TBCD: variants seen among roughly 807,000 people sequenced by gnomAD.
The protein encoded by TBCD is tubulin folding cofactor D, also known as tubulin-specific chaperone D.
In TBCD, 105 loss-of-function variants were observed where a neutral mutation model predicts 169.3. That is an observed-to-expected ratio of 0.62 (90% CI 0.53 to 0.73). The LOEUF (loss-of-function observed/expected upper bound fraction) is 0.73. Ranked by LOEUF, TBCD falls within the 30% of genes least tolerant of loss-of-function variation. The pLI is 0.00. For missense variants in TBCD, 1,444 were observed against 1,600.1 expected (o/e 0.90, Z 1.66); for synonymous variants, 700 against 643.9 (o/e 1.09, Z -1.32).
At chr17:82,795,642 A>G in intron 7 of TBCD, 1 of 967,734 alleles carries the variant, frequency 1.0e-6, no homozygotes, top group Non-Finnish European at 1.2e-6. Context: ...TTGTTGTGGA[A>G]CAACGTACTC....
rs1349746039 is a variant in TBCD, at chr17:82,921,364, C to G, written c.2102-137C>G. 3 of 719,556 alleles carry G rather than the reference C, an allele frequency of 4.2e-6. No homozygotes were observed. The African/African-American group carries it at 5.2e-5, about 13-fold the overall frequency. The allele number at this position is 719,556 out of a possible 1,614,324, so 44.6% of individuals were successfully genotyped here. On this transcript the variant is annotated intron_variant, in intron 24 of 38. Transcript: ENST00000355528. ...CTTAACACAACGTGGAGAATGTTCACTTTGGCTTTTCCACAGATTCCTCTC... is the reference window on the plus strand; with the variant it reads ...CTTAACACAACGTGGAGAATGTTCAGTTTGGCTTTTCCACAGATTCCTCTC...
At chr17:82,929,759 C>G (rs1008463255) in intron 32 of TBCD, 1 of 600,576 alleles carries the variant, frequency 1.7e-6, no homozygotes, top group Non-Finnish European at 3.0e-6. Context: ...CCTTGGAGCT[C>G]CCAGCGTCCC....
chr17:82,899,885 A>C (rs1026870079), intron 17 of TBCD, among the ~76,000 whole-genome samples: 2 of 152,096 alleles, frequency 1.3e-5, no homozygotes, highest in African/African-American at 2.4e-5. Flanking sequence ...ACATCTTTTC[A>C]TGTGTTTATT....
intron 10 of TBCD, 78 bp from the exon 11 acceptor site, chr17:82,807,530 C>T: frequency 2.6e-6 from 3 of 1,157,886 alleles, no homozygotes; most frequent in Non-Finnish European, 3.5e-6. Context: ...GAGTAGCGTA[C>T]AGGATGGGTC....
At position 82,945,133 on chromosome 17, in the gene TBCD, T is replaced by G. The variant is rs944987523; in HGVS notation, c.*2670T>G. ...GGGCTAGAAATGATCAAGAAGAGAT[T>G]AGAAAAAAACAGAGCCCCTAGAAAT... On this transcript the variant is annotated 3_prime_UTR_variant, in exon 39 of 39. Transcript: ENST00000355528. 6.6e-6 allele frequency: 1 copy of G among 152,014 alleles called. No individual in the cohort carries two copies. The highest frequency in any genetic ancestry group is 1.5e-5 in the Non-Finnish European group (1 of 67,990). The allele number at this position is 152,014 out of a possible 1,614,324, so 9.4% of individuals were successfully genotyped here.
In TBCD at chr17:82,923,193, T is replaced by C. The variant is rs1192810757; in HGVS notation, c.2179-459T>C. 6.6e-6 allele frequency among the ~76,000 whole-genome samples: 1 copy of C among 152,228 alleles called. No individual in the cohort carries two copies. The highest frequency in any genetic ancestry group is 1.5e-5 in the Non-Finnish European group (1 of 68,040). The stretch of plus-strand genomic sequence containing the variant: ...TAACTATTTCTGGGAAAGAAAAATA[T>C]GCTCCATTTTATTATTGTTCCATAT... On this transcript the variant is annotated intron_variant, in intron 25 of 38. Coordinates refer to ENST00000355528, the MANE Select transcript of TBCD (RefSeq NM_005993.5). This position sits in a 1 kb window ranked among gnomAD's most constrained non-coding sequence, Gnocchi z 4.6.
intron 17 of TBCD, among the ~76,000 whole-genome samples, chr17:82,898,140 G>A (rs1443338115): frequency 1.7e-4 from 26 of 149,592 alleles, no homozygotes. Context: ...TGGTTTTCGT[G>A]AGCATTGAGC....
In TBCD at chr17:82,752,360, C is replaced by T; in HGVS notation, c.167C>T (p.Ala56Val). ...VHGGGAEREV[A>V]LERFRVIMDK... is the part of the protein sequence containing the mutation. ...GGCGGCGGCGCGGAGCGCGAGGTGG[C>T]CCTGGAGCGGTTCCGCGGTGCGTGG... Residue 56 changes from alanine (A) to valine (V), a missense_variant, in exon 1 of 39, where the codon GCC (alanine) becomes GTC (valine). Coordinates refer to ENST00000355528, the MANE Select transcript of TBCD (RefSeq NM_005993.5). 5.1e-6 allele frequency: 7 copies of T among 1,366,384 alleles called. No individual in the cohort carries two copies. Among genetic ancestry groups the T allele is most frequent in the Non-Finnish European group, 5.6e-6 (6 of 1,070,810 alleles). 84.6% of individuals were successfully genotyped at this position (1,366,384 alleles called of 1,614,324 possible). A position where few individuals can be genotyped will look rare whatever the true frequency, so the allele number is the denominator to read the frequency against.
chr17:82,794,906 C>T (rs978713751), intron 7 of TBCD, among the ~76,000 whole-genome samples: 5 of 152,188 alleles, frequency 3.3e-5, no homozygotes, highest in East Asian at 1.9e-4. Flanking sequence ...AAAGACCCTT[C>T]GCCCTGTAAA....
intron 6 of TBCD, among the ~76,000 whole-genome samples, chr17:82,779,034 A>G (rs145452987): frequency 1.6e-4 from 24 of 146,750 alleles, no homozygotes; most frequent in Non-Finnish European, 3.1e-4. Flanking sequence ...ATTTATTTTT[A>G]CGGGGTCTTG....
chr17:82,752,730 C>T (rs1234779270), intron 1 of TBCD, among the ~76,000 whole-genome samples: 1 of 152,210 alleles, frequency 6.6e-6, no homozygotes, highest in Non-Finnish European at 1.5e-5. Context: ...TGGGGAGACT[C>T]GGGCCAGACC....
rs201980005 is a variant in TBCD, at chr17:82,768,525, G to C, written c.541G>C (p.Ala181Pro). The C allele has an allele frequency of 1.6e-4, 265 of 1,613,902 alleles. No individual in the cohort carries two copies. Among genetic ancestry groups the C allele is most frequent in the Middle Eastern group, 1.2e-3 (7 of 6,084 alleles). ...DGNLLTQPGQ[A>P]RMSIMDRILQ... ...GAACCTCCTCACCCAGCCTGGGCAAGCACGAATGTCCATAATGGACCGTAT... is the reference window on the plus strand; with the variant it reads ...GAACCTCCTCACCCAGCCTGGGCAACCACGAATGTCCATAATGGACCGTAT... The change falls in exon 5 of 39, where the codon GCA becomes CCA. Residue 181 changes from alanine (A) to proline (P), a missense_variant. Physicochemically the swap from Ala to Pro is conservative, Grantham distance 27 (BLOSUM62 -1). Transcript: ENST00000355528.
chr17:82,886,232 C>G (rs1434731881), intron 15 of TBCD: 1 of 152,300 alleles, frequency 6.6e-6, no homozygotes, highest in Non-Finnish European at 1.5e-5. Context: ...GAGGAAGGTG[C>G]TGCAGCTGGT....
intron 5 of TBCD, 30 bp downstream of exon 5, chr17:82,768,596 A>G (rs1430973500): frequency 2.5e-6 from 4 of 1,608,972 alleles, no homozygotes; most frequent in Non-Finnish European, 3.4e-6. Context: ...TTAGCTGCTA[A>G]TTAGTACTCA....
chr17:82,945,532 G>A lies in TBCD; in HGVS notation c.*3069G>A, dbSNP rs1463524846. 7 of 152,216 alleles carry A rather than the reference G, an allele frequency of 4.6e-5. No individual in the cohort carries two copies. Among genetic ancestry groups the A allele is most frequent in the Non-Finnish European group, 8.8e-5 (6 of 68,034 alleles). 9.4% of individuals were successfully genotyped at this position (152,216 alleles called of 1,614,324 possible). On this transcript the variant is annotated 3_prime_UTR_variant, in exon 39 of 39. Transcript: ENST00000355528. ...TTCATTATGCTGAGAGAAAATAGCT[G>A]TCAAGTTGCTTGAATTGTGCCCACA...
intron 13 of TBCD, among the ~76,000 whole-genome samples, chr17:82,848,680 T>C (rs2055364170): frequency 6.6e-6 from 1 of 152,194 alleles, no homozygotes; most frequent in Admixed American, 6.5e-5. Flanking sequence ...CTTCTTTTTT[T>C]TCATGCTACA....
chr17:82,754,066 C>G (rs1176608238), intron 1 of TBCD, among the ~76,000 whole-genome samples: 2 of 151,570 alleles, frequency 1.3e-5, no homozygotes, highest in Non-Finnish European at 2.9e-5. Context: ...TTAGTAGTGA[C>G]GGGTTTCATC....
At chr17:82,811,474 T>C (rs1449350950) in intron 12 of TBCD, among the ~76,000 whole-genome samples, 1 of 152,258 alleles carries the variant, frequency 6.6e-6, no homozygotes, top group Non-Finnish European at 1.5e-5. Context: ...ATTCCATTTT[T>C]GTAGCTAGGT....
At chr17:82,808,706 G>C (rs2051197101) in intron 11 of TBCD, among the ~76,000 whole-genome samples, 1 of 145,732 alleles carries the variant, frequency 6.9e-6, no homozygotes, top group African/African-American at 2.6e-5. Context: ...CCCTGCTGTG[G>C]AGGGGATGAG....
Sources: allele counts gnomAD v4.1 joint callset (sites outside exome capture counted in the v4.1 genomes callset), GRCh38; gene constraint gnomAD v4.1.1; non-coding constraint Gnocchi (gnomAD v3.1); transcripts MANE v1.5; gene names NCBI Gene and HGNC (gene_info 2026-07-23, HGNC 2026-07-21).